Variants in AGTPBP1 observed in about 807,000 individuals in gnomAD.
AGTPBP1 encodes the protein cytosolic carboxypeptidase 1.
AGTPBP1 carries 70 observed loss-of-function variants against 143.9 expected under a neutral mutation model. That is an observed-to-expected ratio of 0.49 (90% CI 0.40 to 0.59). The LOEUF (loss-of-function observed/expected upper bound fraction) is 0.59, where lower values mean the gene tolerates loss of function less well. Among genes scored for constraint, AGTPBP1 ranks in the 20% least tolerant of loss-of-function variants. The pLI is 0.00. For missense variants in AGTPBP1, 1,229 were observed against 1,464.5 expected, an observed-to-expected ratio of 0.84 and a Z score of 2.62; for synonymous variants, 463 against 500.2, an observed-to-expected ratio of 0.93 and a Z score of 0.99.
intron 13 of AGTPBP1, among the ~76,000 whole-genome samples, chr9:85,640,645 G>A (rs1832402006): frequency 6.6e-6 from 1 of 152,204 alleles, no homozygotes. Flanking sequence ...TGTTCATAAA[G>A]TGCCATGTAG....
At chr9:85,547,929 G>A (rs1226907157) in intron 25 of AGTPBP1, among the ~76,000 whole-genome samples, 2 of 152,132 alleles carry the variant, frequency 1.3e-5, no homozygotes, top group Non-Finnish European at 2.9e-5. Context: ...TTGGGACTGA[G>A]ACAACTTTTC....
the AGTPBP1 span, among the ~76,000 whole-genome samples, chr9:85,775,921 C>A: frequency 6.6e-6 from 1 of 152,192 alleles, no homozygotes; most frequent in African/African-American, 2.4e-5. Flanking sequence ...CCCTCACAGA[C>A]ACACCCAGGA....
At chr9:85,567,188 A>G (rs1459507300) in intron 25 of AGTPBP1, among the ~76,000 whole-genome samples, 1 of 152,134 alleles carries the variant, frequency 6.6e-6, no homozygotes, top group Non-Finnish European at 1.5e-5. Context: ...CATGAGAAAC[A>G]GTGGATGAAT....
At chr9:85,797,010 C>A in the AGTPBP1 span, among the ~76,000 whole-genome samples, 12 of 152,086 alleles carry the variant, frequency 7.9e-5, no homozygotes, top group Non-Finnish European at 1.8e-4. Context: ...TGGTCTCGAT[C>A]TCCCGACCTC....
intron 13 of AGTPBP1, among the ~76,000 whole-genome samples, chr9:85,640,865 G>C (rs1042108720): frequency 7.9e-5 from 12 of 152,342 alleles, no homozygotes; most frequent in Middle Eastern, 3.4e-3. Flanking sequence ...TCACATGAGA[G>C]TAGTGCCCTC....
rs1480587150 is a variant in AGTPBP1 at position 85,648,935 on chromosome 9, C to G, written c.1088-2517G>C. Among the ~76,000 whole-genome samples the G allele has an allele frequency of 3.3e-5, 5 of 152,282 alleles. No homozygotes were observed. The East Asian group carries it at 9.6e-4, about 29-fold the overall frequency. On this transcript the variant is annotated intron_variant, in intron 11 of 25. Transcript: ENST00000357081. ...AATATGTTTTCAATTTTTAGTCAAA[C>G]CTTTCAAATATTTTCCTTTGTAGGA... is the stretch of plus-strand genomic sequence containing the variant.
chr9:85,665,164 T>C (rs2134012036), intron 8 of AGTPBP1, among the ~76,000 whole-genome samples: 1 of 152,242 alleles, frequency 6.6e-6, no homozygotes, highest in Non-Finnish European at 1.5e-5. Context: ...CAGATGTAAC[T>C]AGTTAAGGCA....
At chr9:85,804,188 TAAATA>T in the AGTPBP1 span, among the ~76,000 whole-genome samples, 2 of 152,194 alleles carry the variant, frequency 1.3e-5, no homozygotes, top group Non-Finnish European at 2.9e-5. Flanking sequence ...AATACTGAAT[TAAATA>T]TAAATTCATC....
intron 18 of AGTPBP1, 34 bp downstream of exon 18, chr9:85,596,328 G>A (rs1224492863): frequency 7.0e-7 from 1 of 1,436,908 alleles, no homozygotes; most frequent in Non-Finnish European, 9.6e-7. Flanking sequence ...CCTTCTGTAA[G>A]CTGACATTCT....
intron 17 of AGTPBP1, among the ~76,000 whole-genome samples, chr9:85,610,839 C>T (rs1267307063): frequency 6.6e-6 from 1 of 152,122 alleles, no homozygotes; most frequent in African/African-American, 2.4e-5. Context: ...TTCTAGTTTA[C>T]CAAAATATTG....
chr9:85,780,063 CA>C, the AGTPBP1 span, among the ~76,000 whole-genome samples: 1 of 151,912 alleles, frequency 6.6e-6, no homozygotes, highest in Admixed American at 6.6e-5. Flanking sequence ...TTAAAATATA[CA>C]AATATACTTA....
intron 8 of AGTPBP1, among the ~76,000 whole-genome samples, chr9:85,667,307 C>A (rs1247509088): frequency 6.6e-6 from 1 of 151,974 alleles, no homozygotes; most frequent in Non-Finnish European, 1.5e-5. Flanking sequence ...AAATATTTGA[C>A]CCTTATTAAG....
At chr9:85,795,769 A>T in the AGTPBP1 span, among the ~76,000 whole-genome samples, 1 of 150,790 alleles carries the variant, frequency 6.6e-6, no homozygotes, top group Admixed American at 6.6e-5. Context: ...AGCTGCATCC[A>T]TGTTGCTGCA....
At chr9:85,715,188 G>A (rs1837625632) in intron 1 of AGTPBP1, among the ~76,000 whole-genome samples, 1 of 151,784 alleles carries the variant, frequency 6.6e-6, no homozygotes, top group East Asian at 1.9e-4. Flanking sequence ...GGAGGTTGCT[G>A]TGAGCTGAGA....
intron 1 of AGTPBP1, among the ~76,000 whole-genome samples, chr9:85,720,137 C>T (rs895063468): frequency 2.0e-5 from 3 of 152,170 alleles, no homozygotes; most frequent in African/African-American, 4.8e-5. Context: ...ATTGTTGTGT[C>T]TCTGCCAGCC....
At chr9:85,563,633 G>A (rs779461957) in intron 25 of AGTPBP1, among the ~76,000 whole-genome samples, 1 of 152,162 alleles carries the variant, frequency 6.6e-6, no homozygotes, top group Non-Finnish European at 1.5e-5. Flanking sequence ...TGTAACAAAC[G>A]AGAAAGACAG....
intron 25 of AGTPBP1, among the ~76,000 whole-genome samples, chr9:85,566,735 G>A (rs1426506985): frequency 6.6e-6 from 1 of 152,176 alleles, no homozygotes; most frequent in Non-Finnish European, 1.5e-5. Flanking sequence ...TGTGCCGCCA[G>A]GTCCAAATGC....
At chr9:85,643,338 T>A (rs1832614423) in intron 12 of AGTPBP1, among the ~76,000 whole-genome samples, 1 of 152,212 alleles carries the variant, frequency 6.6e-6, no homozygotes, top group African/African-American at 2.4e-5. Flanking sequence ...TTATCTAATT[T>A]ATTCTGCATA....
chr9:85,740,107 C>T (rs903662034), intron 1 of AGTPBP1, among the ~76,000 whole-genome samples: 1 of 152,118 alleles, frequency 6.6e-6, no homozygotes, highest in Non-Finnish European at 1.5e-5. Context: ...AGCAGCCTAG[C>T]CAGACTTTTC....
Sources: gnomAD v4.1 joint callset for allele counts (sites outside exome capture counted in the v4.1 genomes callset) on GRCh38, gnomAD v4.1.1 for gene constraint, MANE v1.5 for transcripts, NCBI Gene and HGNC (gene_info 2026-07-23, HGNC 2026-07-21) for gene names.